SCAF8: variants seen among roughly 807,000 people sequenced by gnomAD.
SCAF8 encodes SR-related CTD associated factor 8.
In SCAF8, 23 loss-of-function variants were observed where a neutral mutation model predicts 140.5. That is an observed-to-expected ratio of 0.16 (90% CI 0.12 to 0.23). SCAF8 has a LOEUF of 0.23. SCAF8 is among the 10% of genes least tolerant of loss of function. The probability of loss-of-function intolerance (pLI) is 1.00; values close to 1 mark genes in which losing one functional copy is unlikely to be tolerated. For missense variants in SCAF8, 1,397 were observed against 1,555.7 expected, an observed-to-expected ratio of 0.90 and a Z score of 1.72; for synonymous variants, 575 against 528.9, an observed-to-expected ratio of 1.09 and a Z score of -1.20.
At chr6:154,787,832 T>A (rs1777297163) in intron 3 of SCAF8, 29 bp from the exon 4 acceptor site, 1 of 1,572,436 alleles carries the variant, frequency 6.4e-7, no homozygotes, top group Admixed American at 1.9e-5. Flanking sequence ...TCCGTTTCCT[T>A]TCCTTTTCAT....
intron 5 of SCAF8, among the ~76,000 whole-genome samples, chr6:154,793,806 ACT>A (rs1306170562): frequency 2.6e-5 from 3 of 116,594 alleles, no homozygotes; most frequent in East Asian, 2.7e-4. Context: ...CAAGAGCAAA[ACT>A]CTGTCTCAAA....
rs533861842 is a variant in SCAF8 at position 154,812,451 on chromosome 6, A to G, written c.1420+2243A>G. Among the ~76,000 whole-genome samples the G allele has an allele frequency of 2.6e-5, 4 of 152,230 alleles. No individual in the cohort carries two copies. The East Asian group carries it at 5.8e-4, about 22-fold the overall frequency. Reference sequence around the variant, plus strand: ...AGAACAACTTATGTGCCTTAACCTTACTGTGATATCTGCTTTATTGTGGTG... The same window carrying G: ...AGAACAACTTATGTGCCTTAACCTTGCTGTGATATCTGCTTTATTGTGGTG... On this transcript the variant is annotated intron_variant, in intron 12 of 19. Transcript: ENST00000367178.
chr6:154,737,955 T>C (rs1188214193), intron 1 of SCAF8, among the ~76,000 whole-genome samples: 2 of 152,108 alleles, frequency 1.3e-5, no homozygotes, highest in African/African-American at 4.8e-5. Context: ...CCAGACTGAA[T>C]TTTGTCACCC....
intron 2 of SCAF8, among the ~76,000 whole-genome samples, chr6:154,777,741 A>G (rs1362744463): frequency 1.3e-5 from 2 of 152,232 alleles, no homozygotes; most frequent in African/African-American, 2.4e-5. Flanking sequence ...AAAGTCTTCA[A>G]TAGCATTATT....
intron 6 of SCAF8, among the ~76,000 whole-genome samples, chr6:154,798,018 A>G (rs567052667): frequency 5.9e-5 from 9 of 151,338 alleles, no homozygotes; most frequent in African/African-American, 2.2e-4. Flanking sequence ...GTATCACTTC[A>G]TTGGTTGTTT....
At chr6:154,754,790 CT>C (rs1425686193) in intron 1 of SCAF8, among the ~76,000 whole-genome samples, 2 of 152,028 alleles carry the variant, frequency 1.3e-5, no homozygotes, top group Non-Finnish European at 2.9e-5. Context: ...GTATTTATTC[CT>C]TATCTTTTCA....
rs1250479190 is a variant in SCAF8 at position 154,802,161 on chromosome 6, T to TA, written c.783+15dup. 6.5e-7 allele frequency: 1 copy of TA among 1,532,608 alleles called. No individual in the cohort carries two copies. Among genetic ancestry groups the TA allele is most frequent in the Non-Finnish European group, 8.8e-7 (1 of 1,131,650 alleles). 94.9% of individuals were successfully genotyped at this position (1,532,608 alleles called of 1,614,324 possible). A position where few individuals can be genotyped will look rare whatever the true frequency, so the allele number is the denominator to read the frequency against. On this transcript the variant is annotated intron_variant, in intron 7 of 19. Transcript: ENST00000367178. The stretch of plus-strand genomic sequence containing the variant: ...TCCTTTAACAAGGTAGAAATTAAAA[T>TA]ATCGGATCAAGTCTATATGAATTAT...
At chr6:154,745,731 G>C (rs903813548) in intron 1 of SCAF8, among the ~76,000 whole-genome samples, 1 of 152,030 alleles carries the variant, frequency 6.6e-6, no homozygotes, top group African/African-American at 2.4e-5. Context: ...TTTTGGTGTC[G>C]TCTTATCTGA....
At chr6:154,777,828 A>G (rs1324348354) in intron 2 of SCAF8, among the ~76,000 whole-genome samples, 173 bp from the exon 3 acceptor site, 1 of 152,214 alleles carries the variant, frequency 6.6e-6, no homozygotes, top group Non-Finnish European at 1.5e-5. Flanking sequence ...TACTAATTAT[A>G]TAGCACAGCT....
chr6:154,816,909 T>C (rs1264707769), intron 13 of SCAF8, among the ~76,000 whole-genome samples: 1 of 152,226 alleles, frequency 6.6e-6, no homozygotes, highest in East Asian at 1.9e-4. Flanking sequence ...ATGAGGAAAC[T>C]AAGTGATTTG....
At chr6:154,753,477 A>AG (rs1778889908) in intron 1 of SCAF8, among the ~76,000 whole-genome samples, 1 of 151,884 alleles carries the variant, frequency 6.6e-6, no homozygotes. Context: ...AAAAAAATAA[A>AG]TTAAAAAAAA....
At chr6:154,829,601 A>G (rs1778670134) in intron 18 of SCAF8, among the ~76,000 whole-genome samples, 1 of 152,098 alleles carries the variant, frequency 6.6e-6, no homozygotes, top group African/African-American at 2.4e-5. Flanking sequence ...TCTCCCTTTC[A>G]GTGTTTACAT....
At chr6:154,773,578 GTACAAGTTCT>G (rs1776834952) in intron 1 of SCAF8, among the ~76,000 whole-genome samples, 1 of 152,112 alleles carries the variant, frequency 6.6e-6, no homozygotes, top group Non-Finnish European at 1.5e-5. Flanking sequence ...AAAGTATCAT[GTACAAGTTCT>G]TTGTGAATAC....
At chr6:154,767,143 A>C (rs1409850939) in intron 1 of SCAF8, among the ~76,000 whole-genome samples, 1 of 151,888 alleles carries the variant, frequency 6.6e-6, no homozygotes, top group African/African-American at 2.4e-5. Flanking sequence ...GAACCAGTCC[A>C]AAAAAAAGCA....
At chr6:154,756,139 A>T (rs1268509940) in intron 1 of SCAF8, among the ~76,000 whole-genome samples, 2 of 152,230 alleles carry the variant, frequency 1.3e-5, no homozygotes, top group Non-Finnish European at 2.9e-5. Context: ...TTAATGAGGA[A>T]AAGTTTGAGG....
chr6:154,806,472 A>AGG (rs1777917948), intron 9 of SCAF8, among the ~76,000 whole-genome samples: 2 of 152,228 alleles, frequency 1.3e-5, no homozygotes, highest in Admixed American at 1.3e-4. Context: ...AGTGTTACAT[A>AGG]CAGAGATGAA....
Position 154,820,195 on chromosome 6 carries a change from A to C in SCAF8, c.1654A>C (p.Lys552Gln). ...ACAATAGATCGCTTGGGCTTTAAAC[A>C]AAGGTGTAAAAACAGAATACAAACA... ...KVIKIAWALN[K>Q]GVKTEYKQFW... The change falls in exon 15 of 20, where the codon AAA becomes CAA. Residue 552 changes from lysine to glutamine, a missense_variant. Physicochemically the swap from Lys to Gln is moderately conservative, Grantham distance 53 (BLOSUM62 1). Transcript: ENST00000367178. 6.3e-7 allele frequency: 1 copy of C among 1,599,292 alleles called. No homozygotes were observed. Among genetic ancestry groups the C allele is most frequent in the Non-Finnish European group, 8.5e-7 (1 of 1,175,962 alleles).
chr6:154,808,457 C>T (rs897936567), intron 10 of SCAF8, among the ~76,000 whole-genome samples: 8 of 105,774 alleles, frequency 7.6e-5, no homozygotes, highest in Non-Finnish European at 1.1e-4. Context: ...TTTGTTTTTG[C>T]GATTTTTTTT....
chr6:154,733,773 C>T lies in SCAF8; in HGVS notation c.-128C>T. The T allele has an allele frequency of 7.3e-7, 1 of 1,369,178 alleles. No individual in the cohort carries two copies. The highest frequency in any genetic ancestry group is 9.4e-7 in the Non-Finnish European group (1 of 1,064,914). 84.8% of individuals were successfully genotyped at this position (1,369,178 alleles called of 1,614,324 possible). A position where few individuals can be genotyped will look rare whatever the true frequency, so the allele number is the denominator to read the frequency against. The stretch of plus-strand genomic sequence containing the variant: ...GCCCTTCCACTCCGCCCCGAGGTCG[C>T]AGCGGCCCGCTCTCCCGCCAGCGCC... On this transcript the variant is annotated 5_prime_UTR_variant, in exon 1 of 20. Coordinates refer to ENST00000367178, the MANE Select transcript of SCAF8 (RefSeq NM_014892.5).
Sources: gnomAD v4.1 joint callset for allele counts (sites outside exome capture counted in the v4.1 genomes callset) on GRCh38, gnomAD v4.1.1 for gene constraint, MANE v1.5 for transcripts, NCBI Gene and HGNC (gene_info 2026-07-23, HGNC 2026-07-21) for gene names.